GPR107: variants seen among roughly 807,000 people sequenced by gnomAD.
GPR107 encodes the protein G protein-coupled receptor 107.
Under a neutral mutation model 75.5 loss-of-function variants are expected in GPR107, and 31 were observed. That is an observed-to-expected ratio of 0.41 (90% confidence interval 0.31 to 0.55). The LOEUF (loss-of-function observed/expected upper bound fraction) is 0.55, where lower values mean the gene tolerates loss of function less well. Among genes scored for constraint, GPR107 ranks in the 20% least tolerant of loss-of-function variants. The pLI, the probability that GPR107 is intolerant of heterozygous loss-of-function variation, is 0.26. For synonymous variants in GPR107, 267 were observed against 251.3 expected, an observed-to-expected ratio of 1.06 and a Z score of -0.59; for missense variants, 572 against 665.7, an observed-to-expected ratio of 0.86 and a Z score of 1.55.
chr9:130,132,632 CAA>C (rs1831854067), intron 17 of GPR107, among the ~76,000 whole-genome samples: 1 of 151,940 alleles, frequency 6.6e-6, no homozygotes, highest in Non-Finnish European at 1.5e-5. Context: ...ACCAAAAATA[CAA>C]AAGTTAGCTG....
At chr9:130,126,003 C>T (rs1381518070) in intron 15 of GPR107, among the ~76,000 whole-genome samples, 1 of 147,680 alleles carries the variant, frequency 6.8e-6, no homozygotes, top group Non-Finnish European at 1.5e-5. Flanking sequence ...TGCAGTAAGC[C>T]GAGATAGAGT....
At chr9:130,067,627 A>C (rs182027449) in intron 1 of GPR107, among the ~76,000 whole-genome samples, 4 of 150,910 alleles carry the variant, frequency 2.7e-5, no homozygotes, top group Non-Finnish European at 5.9e-5. Flanking sequence ...ATTTGACCCC[A>C]TTCCATTTGT....
chr9:130,085,771 T>TTTTTTTTTTTTTTTTTTTTTTTG (rs1830600791), intron 6 of GPR107, among the ~76,000 whole-genome samples: 1 of 133,414 alleles, frequency 7.5e-6, no homozygotes, highest in African/African-American at 2.7e-5. Context: ...TTTTTTTTTT[T>TTTTTTTTTTTTTTTTTTTTTTTG]GCCGGGGGGA....
chr9:130,076,270 A>G (rs1375274585), intron 2 of GPR107, 142 bp from the exon 3 acceptor site: 10 of 567,350 alleles, frequency 1.8e-5, no homozygotes, highest in Non-Finnish European at 2.9e-5. Context: ...TGCTTGAGTG[A>G]TTTTACTTTG....
At chr9:130,133,507 G>A (rs1300944766) in intron 17 of GPR107, among the ~76,000 whole-genome samples, 15 of 152,306 alleles carry the variant, frequency 9.8e-5, no homozygotes, top group Admixed American at 9.8e-4. Context: ...GTGGCTCGGG[G>A]CAGGGGCTTC....
rs148063058 is a variant in GPR107 at position 130,134,027 on chromosome 9, G to A, written c.1563-998G>A. Among the ~76,000 whole-genome samples, 223 of 152,318 alleles carry A rather than the reference G, an allele frequency of 1.5e-3. 2 individuals carry two copies. The highest frequency in any genetic ancestry group is 5.1e-3 in the African/African-American group (213 of 41,568). The stretch of plus-strand genomic sequence containing the variant: ...TAGGTAGTTGGCAGAGGGATGGGTT[G>A]GGTCCTTGGAAAGAGCCTGTTGAGT... On this transcript the variant is annotated intron_variant, in intron 17 of 17. Coordinates refer to ENST00000347136, the MANE Select transcript of GPR107 (RefSeq NM_020960.5).
chr9:130,123,064 G>C (rs1345797735), intron 14 of GPR107, among the ~76,000 whole-genome samples: 1 of 152,086 alleles, frequency 6.6e-6, no homozygotes, highest in Non-Finnish European at 1.5e-5. Context: ...GTTGTTTTTT[G>C]AGACTGGGTT....
At chr9:130,083,652 C>T (rs192553231) in intron 6 of GPR107, 50 bp downstream of exon 6, 212 of 1,126,994 alleles carry the variant, frequency 1.9e-4, no homozygotes, top group East Asian at 1.5e-3. Flanking sequence ...TATGTGTGTA[C>T]GTGTGTGTGT....
At chr9:130,131,014 A>G (rs1554898993) in intron 17 of GPR107, among the ~76,000 whole-genome samples, 1 of 152,138 alleles carries the variant, frequency 6.6e-6, no homozygotes, top group Non-Finnish European at 1.5e-5. Flanking sequence ...GGGCTTTGCA[A>G]GGAAAGGGGG....
At chr9:130,128,593 A>G in intron 16 of GPR107, 47 bp from the exon 17 acceptor site, 1 of 1,534,834 alleles carries the variant, frequency 6.5e-7, no homozygotes, top group Non-Finnish European at 9.0e-7. Context: ...TTTCTGAAGA[A>G]CAGTGTTGCT....
At chr9:130,109,212 C>G (rs969422319) in intron 14 of GPR107, among the ~76,000 whole-genome samples, 1 of 151,876 alleles carries the variant, frequency 6.6e-6, no homozygotes, top group Non-Finnish European at 1.5e-5. Context: ...GCTCTGTCAC[C>G]CAAGCTAGAA....
At chr9:130,062,766 C>G (rs1454646194) in intron 1 of GPR107, among the ~76,000 whole-genome samples, 1 of 151,322 alleles carries the variant, frequency 6.6e-6, no homozygotes, top group Non-Finnish European at 1.5e-5. Context: ...GTCACCCAGC[C>G]TAGAACTCAG....
chr9:130,094,612 G>T (rs1282022728), intron 9 of GPR107, among the ~76,000 whole-genome samples: 1 of 151,858 alleles, frequency 6.6e-6, no homozygotes, highest in Non-Finnish European at 1.5e-5. Context: ...AGGAGGGAAG[G>T]TTATAAAAAT....
chr9:130,100,278 A>G (rs575459551), intron 10 of GPR107, among the ~76,000 whole-genome samples: 1 of 152,258 alleles, frequency 6.6e-6, no homozygotes. Flanking sequence ...TATTTATCTG[A>G]GAGAAAATTG....
chr9:130,067,385 T>C (rs1190014237), intron 1 of GPR107, among the ~76,000 whole-genome samples: 1 of 152,184 alleles, frequency 6.6e-6, no homozygotes, highest in Non-Finnish European at 1.5e-5. Context: ...TAGATGTTAT[T>C]ATCCCTGCTT....
intron 5 of GPR107, among the ~76,000 whole-genome samples, chr9:130,081,627 C>T (rs1244948430): frequency 4.0e-5 from 6 of 150,834 alleles, no homozygotes; most frequent in African/African-American, 1.2e-4. Flanking sequence ...GAGCCAAGAT[C>T]GCACCACTGC....
intron 1 of GPR107, among the ~76,000 whole-genome samples, chr9:130,054,499 G>C (rs2132520589): frequency 6.6e-6 from 1 of 152,266 alleles, no homozygotes; most frequent in Middle Eastern, 3.4e-3. Context: ...AAGGTACTTG[G>C]AACCTTAGCC....
At chr9:130,087,941 G>T (rs923862164) in intron 7 of GPR107, among the ~76,000 whole-genome samples, 1 of 151,964 alleles carries the variant, frequency 6.6e-6, no homozygotes, top group African/African-American at 2.4e-5. Context: ...CATCTTCTGC[G>T]AAAGCCCCTC....
At chr9:130,067,305 TG>T (rs1479761014) in intron 1 of GPR107, among the ~76,000 whole-genome samples, 6 of 152,220 alleles carry the variant, frequency 3.9e-5, no homozygotes, top group Non-Finnish European at 8.8e-5. Context: ...TTAAAGCATC[TG>T]TGATAAGTCA....
Sources: allele counts gnomAD v4.1 joint callset (sites outside exome capture counted in the v4.1 genomes callset), GRCh38; gene constraint gnomAD v4.1.1; transcripts MANE v1.5; gene names NCBI Gene and HGNC (gene_info 2026-07-23, HGNC 2026-07-21).